Variants in STXBP5L observed in about 807,000 individuals in gnomAD.
STXBP5L encodes syntaxin binding protein 5L.
Under a neutral mutation model 144.5 loss-of-function variants are expected in STXBP5L, and 65 were observed. That is an observed-to-expected ratio of 0.45 (90% CI 0.37 to 0.55). The LOEUF (loss-of-function observed/expected upper bound fraction) is 0.55. Among genes scored for constraint, STXBP5L ranks in the 20% least tolerant of loss-of-function variants. STXBP5L has a pLI of 0.00. For missense variants in STXBP5L, 1,298 were observed against 1,405.5 expected (o/e 0.92, Z 1.22); for synonymous variants, 505 against 469.6 (o/e 1.08, Z -0.97).
intron 3 of STXBP5L, among the ~76,000 whole-genome samples, chr3:121,019,017 G>C (rs1158371941): frequency 6.6e-6 from 1 of 152,202 alleles, no homozygotes; most frequent in East Asian, 1.9e-4. Flanking sequence ...AATAAACTCT[G>C]TGCTGTTGAG....
At chr3:121,256,004 C>T (rs2050195328) in intron 16 of STXBP5L, among the ~76,000 whole-genome samples, 1 of 151,990 alleles carries the variant, frequency 6.6e-6, no homozygotes, top group Admixed American at 6.5e-5. Flanking sequence ...TCAGATAAAC[C>T]TAGGTTTTAA....
intron 19 of STXBP5L, among the ~76,000 whole-genome samples, chr3:121,304,842 A>G (rs966531014): frequency 6.6e-6 from 1 of 152,060 alleles, no homozygotes; most frequent in African/African-American, 2.4e-5. Context: ...AATGTAAAGG[A>G]AATAATAATC....
chr3:121,070,925 G>A (rs1380162201), intron 5 of STXBP5L, among the ~76,000 whole-genome samples: 1 of 152,164 alleles, frequency 6.6e-6, no homozygotes, highest in Non-Finnish European at 1.5e-5. Context: ...AAGTCATAGG[G>A]CAAGAACTCT....
In STXBP5L at chr3:121,334,917, C is replaced by G. The variant is rs549151841; in HGVS notation, c.2176+16377C>G. Among the ~76,000 whole-genome samples the G allele has an allele frequency of 2.6e-5, 4 of 152,264 alleles. No individual in the cohort carries two copies. In the South Asian group the frequency reaches 8.3e-4, roughly 32 times the overall value. ...AAACTGGCACAAGTATGCTCACCCA[C>G]CACTCCTATTTAACAGAGTATTGGA... On this transcript the variant is annotated intron_variant, in intron 20 of 26. Transcript: ENST00000471454.
chr3:121,415,136 C>T (rs551476159), intron 24 of STXBP5L, among the ~76,000 whole-genome samples: 1 of 152,298 alleles, frequency 6.6e-6, no homozygotes, highest in African/African-American at 2.4e-5. Context: ...GATCTCCTGA[C>T]TCAGTCTAAG....
intron 2 of STXBP5L, among the ~76,000 whole-genome samples, chr3:120,944,978 A>G (rs909288960): frequency 7.2e-5 from 11 of 151,864 alleles, no homozygotes; most frequent in African/African-American, 2.7e-4. Context: ...GCATCATTGA[A>G]ATTGAGGGAC....
chr3:121,252,303 T>TC (rs2050052723), intron 15 of STXBP5L, among the ~76,000 whole-genome samples: 1 of 150,864 alleles, frequency 6.6e-6, no homozygotes, highest in East Asian at 2.0e-4. Flanking sequence ...GAGGCAGAGG[T>TC]TGCAGTGAGC....
At chr3:120,932,723 T>G (rs1223278301) in intron 2 of STXBP5L, among the ~76,000 whole-genome samples, 2 of 152,132 alleles carry the variant, frequency 1.3e-5, no homozygotes, top group Non-Finnish European at 2.9e-5. Flanking sequence ...TTATAAATCA[T>G]GCTGCTATAA....
At chr3:121,313,320 C>T (rs1425292199) in intron 19 of STXBP5L, among the ~76,000 whole-genome samples, 8 of 135,246 alleles carry the variant, frequency 5.9e-5, no homozygotes, top group South Asian at 4.9e-4. Context: ...ACCTCCTGGA[C>T]GGGGCGGCTG....
In STXBP5L at chr3:121,050,117, C is replaced by A. The variant is rs552873040; in HGVS notation, c.470+4582C>A. On this transcript the variant is annotated intron_variant, in intron 5 of 26. Transcript: ENST00000471454. ...GGTGATGCTGTTTCCCTGATAAATCCCCATGTTTCCACCTGGATGTTCTGG... is the reference window on the plus strand; with the variant it reads ...GGTGATGCTGTTTCCCTGATAAATCACCATGTTTCCACCTGGATGTTCTGG... Among the ~76,000 whole-genome samples, 6 of 152,204 alleles carry A rather than the reference C, an allele frequency of 3.9e-5. No homozygotes were observed. In the South Asian group the frequency reaches 8.3e-4, roughly 21 times the overall value.
chr3:121,316,532 C>T (rs2043794580), intron 19 of STXBP5L, among the ~76,000 whole-genome samples: 1 of 152,166 alleles, frequency 6.6e-6, no homozygotes, highest in African/African-American at 2.4e-5. Flanking sequence ...ATGTAATAGC[C>T]TTTCTTCCCC....
At chr3:121,305,589 T>C (rs953232239) in intron 19 of STXBP5L, among the ~76,000 whole-genome samples, 2 of 152,150 alleles carry the variant, frequency 1.3e-5, no homozygotes, top group African/African-American at 4.8e-5. Flanking sequence ...AAACATTTGA[T>C]AAAATTAGAT....
rs374600646 is a variant in STXBP5L at position 121,109,153 on chromosome 3, C to T, written c.471-5772C>T. Among the ~76,000 whole-genome samples the T allele has an allele frequency of 9.9e-5, 15 of 151,946 alleles. No homozygotes were observed. In the East Asian group the frequency reaches 1.4e-3, roughly 14 times the overall value. On this transcript the variant is annotated intron_variant, in intron 5 of 26. Coordinates refer to ENST00000471454, the MANE Select transcript of STXBP5L (RefSeq NM_001308330.2). ...CTTCCGTCTTTATTAGTCTAGGTAGCGGTCTATTTCATTATTCTTTCAAAA... is the reference window on the plus strand; with the variant it reads ...CTTCCGTCTTTATTAGTCTAGGTAGTGGTCTATTTCATTATTCTTTCAAAA...
chr3:121,196,231 C>T (rs2047913954), intron 9 of STXBP5L, among the ~76,000 whole-genome samples: 1 of 151,314 alleles, frequency 6.6e-6, no homozygotes, highest in African/African-American at 2.4e-5. Flanking sequence ...ACAATCTTGG[C>T]TCACCGCAAC....
At chr3:121,343,437 C>T (rs1262442876) in intron 20 of STXBP5L, among the ~76,000 whole-genome samples, 5 of 151,988 alleles carry the variant, frequency 3.3e-5, no homozygotes, top group Non-Finnish European at 5.9e-5. Flanking sequence ...TTATTCATTT[C>T]GGAAAAGAGG....
At chr3:120,962,630 A>G (rs368260134) in intron 3 of STXBP5L, among the ~76,000 whole-genome samples, 2,808 of 151,836 alleles carry the variant, frequency 0.018, 97 homozygotes, top group African/African-American at 0.064. Context: ...TGTTCCATTG[A>G]TCTATATCTC....
intron 9 of STXBP5L, among the ~76,000 whole-genome samples, chr3:121,169,609 C>G (rs941219761): frequency 6.6e-6 from 1 of 152,170 alleles, no homozygotes; most frequent in Non-Finnish European, 1.5e-5. Context: ...AAGGGCATTA[C>G]ATAATGGTAA....
chr3:121,084,369 C>G (rs1362283151), intron 5 of STXBP5L, among the ~76,000 whole-genome samples: 1 of 152,130 alleles, frequency 6.6e-6, no homozygotes, highest in Admixed American at 6.5e-5. Flanking sequence ...CCCCGCCTAC[C>G]CTCAACAGGC....
chr3:121,370,161 T>C (rs939401220), intron 20 of STXBP5L, among the ~76,000 whole-genome samples: 7 of 151,390 alleles, frequency 4.6e-5, no homozygotes, highest in African/African-American at 2.4e-5. Flanking sequence ...AGGTCAGGAG[T>C]TCAAGACCAA....
Sources: allele counts gnomAD v4.1 joint callset (sites outside exome capture counted in the v4.1 genomes callset), GRCh38; gene constraint gnomAD v4.1.1; transcripts MANE v1.5; gene names NCBI Gene and HGNC (gene_info 2026-07-23, HGNC 2026-07-21).